ZNF611: variants seen among roughly 807,000 people sequenced by gnomAD.
The protein encoded by ZNF611 is zinc finger protein 611.
In ZNF611, 6 loss-of-function variants were observed where a neutral mutation model predicts 8.9. That is an observed-to-expected ratio of 0.68 (90% CI 0.37 to 1.34). ZNF611 has a LOEUF of 1.34. Ranked by LOEUF, ZNF611 falls within the 40% of genes most tolerant of loss-of-function variation. The pLI is 0.02. For missense variants in ZNF611, 874 were observed against 841.3 expected (o/e 1.04, Z -0.48); for synonymous variants, 262 against 279.7 (o/e 0.94, Z 0.63).
chr19:52,713,641 C>A (rs1395425458), intron 5 of ZNF611, among the ~76,000 whole-genome samples: 1 of 152,188 alleles, frequency 6.6e-6, no homozygotes, highest in Non-Finnish European at 1.5e-5. Context: ...CCTGTAATCC[C>A]AGCACTTTGG....
intron 3 of ZNF611, among the ~76,000 whole-genome samples, chr19:52,722,905 GTTTT>G (rs372056346): frequency 8.3e-6 from 1 of 119,980 alleles, no homozygotes; most frequent in African/African-American, 3.1e-5. Flanking sequence ...TTTTGTTTTC[GTTTT>G]TTTTTTTTTT....
chr19:52,720,227 T>C (rs2062345985), intron 3 of ZNF611, among the ~76,000 whole-genome samples: 2 of 152,230 alleles, frequency 1.3e-5, no homozygotes, highest in South Asian at 4.1e-4. Context: ...ATTTCCCCCT[T>C]TTCTTTTCGA....
rs1204716272 is a variant in ZNF611 at position 52,704,996 on chromosome 19, A to C, written c.2059T>G (p.Phe687Val). 1 of 1,614,202 alleles carries C rather than the reference A, an allele frequency of 6.2e-7. No individual in the cohort carries two copies. The highest frequency in any genetic ancestry group is 1.7e-5 in the Admixed American group (1 of 60,028). The stretch of plus-strand genomic sequence containing the variant: ...CGTGAAAGGTGTGATTGTTGATTAA[A>C]AGCCTTCCCACATTCATTACACTTG... ...PYKCNECGKA[F>V]NQQSHLSRHH... The change falls in exon 6 of 6, where the codon TTT (phenylalanine) becomes GTT (valine). Residue 687 changes from phenylalanine to valine, a missense_variant. By Grantham distance (50) the Phe-to-Val change is conservative. Transcript: ENST00000652185.
Position 52,706,690 on chromosome 19 carries a change from C to A in ZNF611, c.365G>T (p.Arg122Ile), listed in dbSNP as rs1199608743. ...TGTCATGGGTGCTTCAAGGCCATTT[C>A]TTTCATCTTCTTGACACTGAAACTC... Reference protein sequence around the residue: ...DIEFQCQEDERNGLEAPMTKI... With the variant: ...DIEFQCQEDEINGLEAPMTKI... Residue 122 changes from arginine to isoleucine, a missense_variant, in exon 6 of 6, where the codon AGA becomes ATA. Coordinates refer to ENST00000652185, the MANE Select transcript of ZNF611 (RefSeq NM_001161499.2). 1.4e-5 allele frequency: 23 copies of A among 1,613,958 alleles called. No homozygotes were observed. Among genetic ancestry groups the A allele is most frequent in the Non-Finnish European group, 1.9e-5 (23 of 1,179,998 alleles).
chr19:52,710,574 C>T (rs1600309729), intron 5 of ZNF611, among the ~76,000 whole-genome samples: 2 of 151,960 alleles, frequency 1.3e-5, no homozygotes, highest in South Asian at 2.1e-4. Context: ...TATGTTTGCC[C>T]GACTGGTCTC....
In ZNF611 at chr19:52,704,476, T is replaced by C. The variant is rs980095007; in HGVS notation, c.*461A>G. 2.4e-5 allele frequency: 20 copies of C among 823,730 alleles called. No homozygotes were observed. Among genetic ancestry groups the C allele is most frequent in the South Asian group, 2.8e-5 (2 of 71,790 alleles). 51.0% of individuals were successfully genotyped at this position (823,730 alleles called of 1,614,324 possible). The stretch of plus-strand genomic sequence containing the variant: ...TGTATAAATTCTCCTATGTTTTGCA[T>C]AGGATGAAGCTTGACTGAAGACCTT... On this transcript the variant is annotated 3_prime_UTR_variant, in exon 6 of 6. Coordinates refer to ENST00000652185, the MANE Select transcript of ZNF611 (RefSeq NM_001161499.2).
chr19:52,704,525 G>T lies in ZNF611; in HGVS notation c.*412C>A. ...TTGGCACAGTCATGACATTTGTAAG[G>T]TTTCTCTCCAGTATGAGTTCACCGA... On this transcript the variant is annotated 3_prime_UTR_variant, in exon 6 of 6. Transcript: ENST00000652185. 1 of 1,157,858 alleles carries T rather than the reference G, an allele frequency of 8.6e-7. No homozygotes were observed. The allele number at this position is 1,157,858 out of a possible 1,614,324, so 71.7% of individuals were successfully genotyped here. A position where few individuals can be genotyped will look rare whatever the true frequency, so the allele number is the denominator to read the frequency against.
chr19:52,713,960 T>A lies in ZNF611; in HGVS notation c.190+55A>T, dbSNP rs111986493. ...CACAAAAGAGGATACAAAGCCAGGA[T>A]GAGCCAAGATAGACAAGAGCAGACT... On this transcript the variant is annotated intron_variant, in intron 5 of 5. Transcript: ENST00000652185. 1,986 of 1,599,784 alleles carry A rather than the reference T, an allele frequency of 1.2e-3. 8 individuals carry two copies. In the African/African-American group the frequency reaches 0.013, roughly 11 times the overall value.
intron 3 of ZNF611, among the ~76,000 whole-genome samples, chr19:52,727,056 G>A (rs1352099640): frequency 6.6e-6 from 1 of 151,836 alleles, no homozygotes; most frequent in Non-Finnish European, 1.5e-5. Flanking sequence ...GGTAGAGATG[G>A]GGTTTCACCA....
At chr19:52,715,244 T>G (rs1340784736) in intron 4 of ZNF611, among the ~76,000 whole-genome samples, 2 of 151,814 alleles carry the variant, frequency 1.3e-5, no homozygotes, top group Non-Finnish European at 2.9e-5. Flanking sequence ...GATCACAAGG[T>G]CAGGAGTTCG....
In ZNF611 at chr19:52,714,105, A is replaced by C. The variant is rs1289934890; in HGVS notation, c.100T>G (p.Ser34Ala). 18 of 1,614,004 alleles carry C rather than the reference A, an allele frequency of 1.1e-5. No individual in the cohort carries two copies. Among genetic ancestry groups the C allele is most frequent in the Non-Finnish European group, 1.5e-5 (18 of 1,179,994 alleles). Reference sequence around the variant, plus strand: ...TTCAGGCATTTCCACTCTGCCAATGAGAATTCTATAGCCACATCCCGGAAA... The same window carrying C: ...TTCAGGCATTTCCACTCTGCCAATGCGAATTCTATAGCCACATCCCGGAAA... The part of the protein sequence containing the change: ...LTFRDVAIEF[S>A]LAEWKCLNPS... The change falls in exon 5 of 6, where the codon TCA (serine) becomes GCA (alanine). Residue 34 changes from serine to alanine, a missense_variant. Ser to Ala is a moderately conservative substitution (Grantham distance 99, BLOSUM62 1). Coordinates refer to ENST00000652185, the MANE Select transcript of ZNF611 (RefSeq NM_001161499.2).
rs568777296 is a variant in ZNF611, at chr19:52,719,349, C to A, written c.-19-3436G>T. Among the ~76,000 whole-genome samples the A allele has an allele frequency of 1.2e-4, 19 of 152,126 alleles. No individual in the cohort carries two copies. In the South Asian group the frequency reaches 1.7e-3, roughly 13 times the overall value. ...CACTTCTTACCCTACTTCTCTCCCC[C>A]ACTCCCCACCCCAGCCATGAAAAGG... On this transcript the variant is annotated intron_variant, in intron 3 of 5. Transcript: ENST00000652185.
At chr19:52,713,484 C>T (rs1476671844) in intron 5 of ZNF611, among the ~76,000 whole-genome samples, 2 of 152,106 alleles carry the variant, frequency 1.3e-5, no homozygotes, top group African/African-American at 2.4e-5. Context: ...CGAATGATGT[C>T]CTCGCTGGGA....
intron 1 of ZNF611, among the ~76,000 whole-genome samples, chr19:52,733,078 T>A (rs7247272): frequency 4.6e-5 from 7 of 152,026 alleles, no homozygotes; most frequent in Admixed American, 6.6e-5. Context: ...CACAACTGAA[T>A]AAGTGACTGC....
chr19:52,721,690 G>A (rs142213271), intron 3 of ZNF611, among the ~76,000 whole-genome samples: 3,365 of 151,578 alleles, frequency 0.022, 122 homozygotes, highest in African/African-American at 0.075. Flanking sequence ...AGGGAGAGAG[G>A]GAGGGAGAGG....
At chr19:52,707,190 G>A (rs2062251510) in intron 5 of ZNF611, among the ~76,000 whole-genome samples, 1 of 150,498 alleles carries the variant, frequency 6.6e-6, no homozygotes. Context: ...CCATCACATC[G>A]GTGAAGAGAA....
At chr19:52,730,195 C>T (rs2062416714) in intron 1 of ZNF611, among the ~76,000 whole-genome samples, 190 bp from the exon 2 acceptor site, 1 of 151,824 alleles carries the variant, frequency 6.6e-6, no homozygotes, top group African/African-American at 2.4e-5. Context: ...AGATCGAGAC[C>T]ATCCTGGCTA....
At chr19:52,717,466 G>C (rs2062325290) in intron 3 of ZNF611, among the ~76,000 whole-genome samples, 1 of 152,192 alleles carries the variant, frequency 6.6e-6, no homozygotes, top group South Asian at 2.1e-4. Flanking sequence ...CCCAGGAATA[G>C]GAAAGCAGCC....
rs965015193 is a variant in ZNF611 at position 52,703,992 on chromosome 19, A to T, written c.*945T>A. ...AAGTACTGGCTCAAAAAAATAATAG[A>T]AAATAAGAAACAAAAAACAGGCTGA... On this transcript the variant is annotated 3_prime_UTR_variant, in exon 6 of 6. Coordinates refer to ENST00000652185, the MANE Select transcript of ZNF611 (RefSeq NM_001161499.2). The T allele has an allele frequency of 5.4e-6, 1 of 185,746 alleles. No individual in the cohort carries two copies. The highest frequency in any genetic ancestry group is 2.4e-5 in the African/African-American group (1 of 41,876). 11.5% of individuals were successfully genotyped at this position (185,746 alleles called of 1,614,324 possible).
Sources: gnomAD v4.1 joint callset for allele counts (sites outside exome capture counted in the v4.1 genomes callset) on GRCh38, gnomAD v4.1.1 for gene constraint, MANE v1.5 for transcripts, NCBI Gene and HGNC (gene_info 2026-07-23, HGNC 2026-07-21) for gene names.